HDAC9: variants seen among roughly 807,000 people sequenced by gnomAD.
HDAC9 encodes histone deacetylase 9, also known as MEF-2 interacting transcription repressor (MITR) protein.
HDAC9 carries 41 observed loss-of-function variants against 139.4 expected under a neutral mutation model. That is an observed-to-expected ratio of 0.29 (90% CI 0.23 to 0.38). The LOEUF is 0.38. Among genes scored for constraint, HDAC9 ranks in the 10% least tolerant of loss-of-function variants. HDAC9 has a pLI of 1.00. For synonymous variants in HDAC9, 517 were observed against 476.2 expected (o/e 1.09, Z -1.12); for missense variants, 1,147 against 1,297.0 (o/e 0.88, Z 1.78).
At chr7:18,281,499 T>C (rs1797103664) in intron 2 of HDAC9, among the ~76,000 whole-genome samples, 1 of 152,210 alleles carries the variant, frequency 6.6e-6, no homozygotes, top group Non-Finnish European at 1.5e-5. Context: ...CTTTAATTGA[T>C]TCTCTTTCCA....
intron 1 of HDAC9, among the ~76,000 whole-genome samples, chr7:18,158,410 T>A (rs940168619): frequency 4.6e-5 from 7 of 152,210 alleles, no homozygotes; most frequent in African/African-American, 1.7e-4. Context: ...TGTATCTCAA[T>A]GAGCCATTAC....
At chr7:18,569,684 A>T (rs961493249) in intron 2 of HDAC9, among the ~76,000 whole-genome samples, 1 of 152,226 alleles carries the variant, frequency 6.6e-6, no homozygotes, top group Non-Finnish European at 1.5e-5. Flanking sequence ...ACATTTTCTT[A>T]TGCCAAATTA....
At chr7:18,794,706 A>T (rs1052673014) in intron 17 of HDAC9, among the ~76,000 whole-genome samples, 2 of 152,220 alleles carry the variant, frequency 1.3e-5, no homozygotes, top group South Asian at 4.1e-4. Flanking sequence ...GTAGAACTTG[A>T]GGAAAAATTC....
At chr7:18,924,734 T>C (rs1224125161) in intron 22 of HDAC9, among the ~76,000 whole-genome samples, 1 of 151,996 alleles carries the variant, frequency 6.6e-6, no homozygotes, top group Non-Finnish European at 1.5e-5. Flanking sequence ...TTCGTTGTTG[T>C]TTGTTTGTTT....
intron 16 of HDAC9, among the ~76,000 whole-genome samples, chr7:18,770,406 A>C (rs999452916): frequency 2.0e-5 from 3 of 152,130 alleles, no homozygotes; most frequent in African/African-American, 4.8e-5. Context: ...CCAGTGCAGG[A>C]TCTCTTCAGT....
intron 6 of HDAC9, among the ~76,000 whole-genome samples, chr7:18,607,815 T>G (rs1835946399): frequency 6.6e-6 from 1 of 152,168 alleles, no homozygotes; most frequent in South Asian, 2.1e-4. Context: ...GATAAAAATA[T>G]ATTAATGATT....
At chr7:18,680,804 G>C (rs2129090069) in intron 12 of HDAC9, among the ~76,000 whole-genome samples, 1 of 152,166 alleles carries the variant, frequency 6.6e-6, no homozygotes, top group Admixed American at 6.6e-5. Flanking sequence ...CTGTCAAGGA[G>C]ATGAACAATA....
chr7:18,474,511 ATATTT>A (rs1342970376), intron 1 of HDAC9, among the ~76,000 whole-genome samples: 5 of 152,158 alleles, frequency 3.3e-5, no homozygotes, highest in Non-Finnish European at 5.9e-5. Context: ...TTATTTGTAC[ATATTT>A]TATTATCTTT....
chr7:18,760,245 A>G (rs1789264848), intron 14 of HDAC9, among the ~76,000 whole-genome samples: 1 of 152,114 alleles, frequency 6.6e-6, no homozygotes, highest in Non-Finnish European at 1.5e-5. Flanking sequence ...CAAACCATGG[A>G]CTTACCATTA....
chr7:18,615,875 C>T (rs79601095), intron 6 of HDAC9, among the ~76,000 whole-genome samples: 2,815 of 152,272 alleles, frequency 0.018, 25 homozygotes, highest in Non-Finnish European at 0.029. Flanking sequence ...CTAAACCAAT[C>T]TATATTTATT....
At chr7:18,888,748 T>C (rs1800399819) in intron 22 of HDAC9, among the ~76,000 whole-genome samples, 1 of 152,214 alleles carries the variant, frequency 6.6e-6, no homozygotes, top group African/African-American at 2.4e-5. Context: ...AAAATACATA[T>C]TTATTTTAAT....
At chr7:18,297,764 C>G (rs1038028043) in intron 1 of HDAC9, among the ~76,000 whole-genome samples, 1 of 152,154 alleles carries the variant, frequency 6.6e-6, no homozygotes, top group African/African-American at 2.4e-5. Context: ...AATGTGACAT[C>G]AACAAAGTTT....
chr7:18,577,284 C>G (rs1583591387), intron 2 of HDAC9, among the ~76,000 whole-genome samples: 1 of 152,152 alleles, frequency 6.6e-6, no homozygotes, highest in East Asian at 1.9e-4. Context: ...TCCACCTGTG[C>G]CTTGTAGAGT....
At chr7:18,835,403 A>G (rs1796163031) in intron 19 of HDAC9, 64 bp from the exon 20 acceptor site, 1 of 1,506,808 alleles carries the variant, frequency 6.6e-7, no homozygotes, top group South Asian at 1.3e-5. Context: ...TAGAAATCAG[A>G]AAGGTTGTCT....
intron 1 of HDAC9, among the ~76,000 whole-genome samples, chr7:18,477,964 A>T (rs1674290426): frequency 6.6e-6 from 1 of 152,154 alleles, no homozygotes; most frequent in Non-Finnish European, 1.5e-5. Flanking sequence ...TGCTTTTCAC[A>T]CTAGAAAACA....
At chr7:18,746,062 G>A (rs537617866) in intron 13 of HDAC9, among the ~76,000 whole-genome samples, 7 of 151,012 alleles carry the variant, frequency 4.6e-5, no homozygotes, top group African/African-American at 1.7e-4. Context: ...GTGGAGACAG[G>A]GTCTCCCTAT....
At chr7:18,185,545 AAAG>A (rs1789841350) in intron 2 of HDAC9, among the ~76,000 whole-genome samples, 1 of 152,242 alleles carries the variant, frequency 6.6e-6, no homozygotes, top group Non-Finnish European at 1.5e-5. Context: ...TCTATTTTGA[AAAG>A]AGACAAATTA....
intron 23 of HDAC9, among the ~76,000 whole-genome samples, chr7:18,948,692 C>T (rs1023252477): frequency 1.1e-4 from 17 of 152,130 alleles, no homozygotes; most frequent in Non-Finnish European, 5.9e-5. Context: ...TCCATACATA[C>T]TTAAAACCAA....
At chr7:18,900,988 A>T (rs939522201) in intron 22 of HDAC9, among the ~76,000 whole-genome samples, 9 of 152,076 alleles carry the variant, frequency 5.9e-5, no homozygotes, top group African/African-American at 2.2e-4. Context: ...CTGTTTTTGA[A>T]GTTTGGGACT....
Sources: allele counts gnomAD v4.1 joint callset (sites outside exome capture counted in the v4.1 genomes callset), GRCh38; gene constraint gnomAD v4.1.1; transcripts MANE v1.5; gene names NCBI Gene and HGNC (gene_info 2026-07-23, HGNC 2026-07-21).